Variants in SCARB2 observed in about 807,000 individuals in gnomAD.
SCARB2 encodes scavenger receptor class B member 2.
SCARB2 carries 29 observed loss-of-function variants against 58.6 expected under a neutral mutation model. The observed-to-expected ratio is 0.49, with a 90% CI of 0.37 to 0.67. The LOEUF is 0.67. Among genes scored for constraint, SCARB2 ranks in the 30% least tolerant of loss-of-function variants. SCARB2 has a pLI of 0.00. For missense variants in SCARB2, 488 were observed against 578.5 expected (o/e 0.84, Z 1.60); for synonymous variants, 195 against 210.1 (o/e 0.93, Z 0.62).
intron 2 of SCARB2, among the ~76,000 whole-genome samples, chr4:76,186,370 C>T (rs1342695184): frequency 6.6e-6 from 1 of 152,074 alleles, no homozygotes; most frequent in Non-Finnish European, 1.5e-5. Flanking sequence ...AAAAGACCAT[C>T]ACAGATCCAG....
intron 11 of SCARB2, chr4:76,162,200 A>AC: frequency 5.7e-6 from 1 of 176,056 alleles, no homozygotes; most frequent in Non-Finnish European, 1.2e-5. Context: ...GCATAAAGTC[A>AC]CACTGGAAGA....
At chr4:76,224,424 T>A (rs1014719993) in intron 1 of SCARB2, among the ~76,000 whole-genome samples, 11 of 152,190 alleles carry the variant, frequency 7.2e-5, no homozygotes, top group Non-Finnish European at 1.3e-4. Flanking sequence ...TGATTACACT[T>A]CAAAGGGTTC....
At chr4:76,214,624 T>G (rs1733165114), upstream of SCARB2, among the ~76,000 whole-genome samples, 1 of 152,140 alleles carries the variant, frequency 6.6e-6, no homozygotes, top group Admixed American at 6.5e-5. Context: ...GCTGGTGTTC[T>G]TGCCTGCTTT....
In SCARB2 at chr4:76,161,495, G is replaced by T. The variant is rs921457640; in HGVS notation, c.*218C>A. ...TTAAATACTTGCTAGACACATAAAAGAACAATTTCAGAGCCCACATGATTT... is the reference window on the plus strand; with the variant it reads ...TTAAATACTTGCTAGACACATAAAATAACAATTTCAGAGCCCACATGATTT... On this transcript the variant is annotated 3_prime_UTR_variant, in exon 12 of 12. Transcript: ENST00000264896. 5 of 598,290 alleles carry T rather than the reference G, an allele frequency of 8.4e-6. No individual in the cohort carries two copies. Among genetic ancestry groups the T allele is most frequent in the South Asian group, 4.0e-5 (2 of 50,538 alleles). The allele number at this position is 598,290 out of a possible 1,614,324, so 37.1% of individuals were successfully genotyped here.
intron 1 of SCARB2, among the ~76,000 whole-genome samples, chr4:76,209,553 G>A (rs1006440988): frequency 6.6e-6 from 1 of 152,088 alleles, no homozygotes; most frequent in African/African-American, 2.4e-5. Context: ...ATTTTTAGTA[G>A]AGACAGGGTT....
At chr4:76,221,589 G>A (rs1733308241) in intron 1 of SCARB2, among the ~76,000 whole-genome samples, 1 of 151,986 alleles carries the variant, frequency 6.6e-6, no homozygotes, top group African/African-American at 2.4e-5. Context: ...TAAAGTGCTG[G>A]GATTACAGGC....
At chr4:76,181,575 C>CT (rs1243128906) in intron 2 of SCARB2, among the ~76,000 whole-genome samples, 6 of 151,974 alleles carry the variant, frequency 3.9e-5, no homozygotes, top group Non-Finnish European at 8.8e-5. Flanking sequence ...ACTCCTGTTT[C>CT]TTTTTTTGAG....
chr4:76,231,770 G>C (rs1733497527), intron 1 of SCARB2, among the ~76,000 whole-genome samples: 1 of 152,124 alleles, frequency 6.6e-6, no homozygotes, highest in Admixed American at 6.6e-5. Context: ...TCCTCTTAAG[G>C]TTCCAAGATA....
At chr4:76,178,044 A>G (rs1293875636) in intron 4 of SCARB2, among the ~76,000 whole-genome samples, 2 of 152,254 alleles carry the variant, frequency 1.3e-5, no homozygotes, top group African/African-American at 2.4e-5. Flanking sequence ...TTATTTCTCA[A>G]TAATAACAAA....
At chr4:76,190,165 C>T (rs1007512407) in intron 2 of SCARB2, among the ~76,000 whole-genome samples, 1 of 151,958 alleles carries the variant, frequency 6.6e-6, no homozygotes, top group Admixed American at 6.6e-5. Context: ...CATGCCACCA[C>T]GCCTGGCTAA....
intron 9 of SCARB2, among the ~76,000 whole-genome samples, chr4:76,167,992 T>C (rs535891966): frequency 1.1e-4 from 16 of 152,228 alleles, no homozygotes; most frequent in African/African-American, 3.6e-4. Flanking sequence ...TATTTCTTTA[T>C]AGCAACACAA....
chr4:76,176,475 G>T lies in SCARB2; in HGVS notation c.666C>A (p.Tyr222Ter). The change falls in exon 5 of 12, where the codon TAC becomes TAA. Residue 222 changes from tyrosine (Y) to a stop codon, truncating the protein, a stop_gained. Coordinates refer to ENST00000264896, the MANE Select transcript of SCARB2 (RefSeq NM_005506.4). LOFTEE classifies it high-confidence loss of function. ...ATTCCACAATTTTTGTAAAGTTAAG[G>T]TAACTGTCTTCTCCAGTTAGAAAAA... ...DYVFLTGEDS[Y>*]LNFTKIVEWN... The T allele has an allele frequency of 6.2e-7, 1 of 1,612,360 alleles. No individual in the cohort carries two copies. Among genetic ancestry groups the T allele is most frequent in the Non-Finnish European group, 8.5e-7 (1 of 1,179,128 alleles).
chr4:76,198,088 C>T (rs1159597658), intron 1 of SCARB2, among the ~76,000 whole-genome samples: 2 of 152,118 alleles, frequency 1.3e-5, no homozygotes, highest in South Asian at 2.1e-4. Flanking sequence ...GGAGCAGCCG[C>T]CCCCACTCTC....
rs34334700 is a variant in SCARB2, at chr4:76,175,690, C to T, written c.824+101G>A. The T allele has an allele frequency of 0.084, 109,854 of 1,309,130 alleles. 6,390 individuals carry two copies. Among genetic ancestry groups the T allele is most frequent in the East Asian group, 0.23 (9,918 of 43,212 alleles). The allele number at this position is 1,309,130 out of a possible 1,614,324, so 81.1% of individuals were successfully genotyped here. ...TTTATCACTGATTATGCATAAATAT[C>T]CATGCATAATAAGTGTGTCTGCATA... On this transcript the variant is annotated intron_variant, in intron 6 of 11. Coordinates refer to ENST00000264896, the MANE Select transcript of SCARB2 (RefSeq NM_005506.4).
intron 1 of SCARB2, among the ~76,000 whole-genome samples, chr4:76,209,567 C>T (rs1439360857): frequency 6.6e-6 from 1 of 152,146 alleles, no homozygotes; most frequent in Non-Finnish European, 1.5e-5. Flanking sequence ...CAGGGTTTCA[C>T]CATATTGGCC....
chr4:76,214,956 T>G (rs1289864345), upstream of SCARB2, among the ~76,000 whole-genome samples: 7 of 152,204 alleles, frequency 4.6e-5, no homozygotes, highest in Admixed American at 4.6e-4. Context: ...ATTTGATATA[T>G]ATACAGTCCA....
chr4:76,201,923 CA>C (rs1283412583), intron 1 of SCARB2, among the ~76,000 whole-genome samples: 3 of 152,152 alleles, frequency 2.0e-5, no homozygotes, highest in Non-Finnish European at 4.4e-5. Context: ...ATTAACTTAG[CA>C]ATTCCTTTGT....
In SCARB2 at chr4:76,160,641, G is replaced by A. The variant is rs1353028411; in HGVS notation, c.*1072C>T. 1.3e-5 allele frequency: 2 copies of A among 152,204 alleles called. No homozygotes were observed. Among genetic ancestry groups the A allele is most frequent in the African/African-American group, 2.4e-5 (1 of 41,452 alleles). The allele number at this position is 152,204 out of a possible 1,614,324, so 9.4% of individuals were successfully genotyped here. The stretch of plus-strand genomic sequence containing the variant: ...CAAAACACTGGAAAGAACTGAAACT[G>A]AGGAAGGAACTTGTAAAAAGAACTT... On this transcript the variant is annotated 3_prime_UTR_variant, in exon 12 of 12. Coordinates refer to ENST00000264896, the MANE Select transcript of SCARB2 (RefSeq NM_005506.4).
intron 1 of SCARB2, among the ~76,000 whole-genome samples, chr4:76,209,433 A>G (rs745533425): frequency 3.3e-5 from 5 of 152,094 alleles, no homozygotes; most frequent in Non-Finnish European, 5.9e-5. Context: ...CAAGGGAGCC[A>G]TCTTGGCTCA....
Sources: allele counts gnomAD v4.1 joint callset (sites outside exome capture counted in the v4.1 genomes callset), GRCh38; gene constraint gnomAD v4.1.1; transcripts MANE v1.5; gene names NCBI Gene and HGNC (gene_info 2026-07-23, HGNC 2026-07-21).